Variants in ITGAE observed in about 807,000 individuals in gnomAD.
ITGAE encodes integrin alpha-E.
In ITGAE, 99 loss-of-function variants were observed where a neutral mutation model predicts 136.5. The observed-to-expected ratio is 0.73, with a 90% CI of 0.62 to 0.86. The LOEUF (loss-of-function observed/expected upper bound fraction) is 0.86. ITGAE is among the 40% of genes least tolerant of loss of function. The pLI, the probability that ITGAE is intolerant of heterozygous loss-of-function variation, is 0.00. For missense variants in ITGAE, 1,447 were observed against 1,515.3 expected (o/e 0.95, Z 0.75); for synonymous variants, 613 against 591.8 (o/e 1.04, Z -0.52).
In ITGAE at chr17:3,725,688, G is replaced by A; in HGVS notation, c.3085-1944C>T. The A allele has an allele frequency of 3.2e-6, 5 of 1,581,732 alleles. No homozygotes were observed. In the South Asian group the frequency reaches 5.8e-5, roughly 18 times the overall value. The stretch of plus-strand genomic sequence containing the variant: ...CTGGGATCACTATAATTCAACCAAA[G>A]GCTCTGCAAATGACCGGCCTGATTT... On this transcript the variant is annotated intron_variant, in intron 26 of 30. Transcript: ENST00000263087.
Position 3,799,723 on chromosome 17 carries a change from C to T in ITGAE, c.34+1388G>A, listed in dbSNP as rs1567569100. On this transcript the variant is annotated intron_variant, in intron 1 of 30. Transcript: ENST00000263087. This position sits in a 1 kb window ranked among gnomAD's most constrained non-coding sequence, Gnocchi z 4.1. ...CAAGCCATAAAAAGAGTGAGACTCT[C>T]TCCACACCCCACATGTAACTAAAAA... Among the ~76,000 whole-genome samples the T allele has an allele frequency of 2.0e-5, 3 of 152,198 alleles. No individual in the cohort carries two copies. Among genetic ancestry groups the T allele is most frequent in the African/African-American group, 7.2e-5 (3 of 41,442 alleles).
Position 3,745,851 on chromosome 17 carries a change from G to C in ITGAE, c.2232C>G (p.Asp744Glu), listed in dbSNP as rs200223270. The stretch of plus-strand genomic sequence containing the variant: ...TCAGGCAGCCCAGACAGCTTCTTAC[G>C]TCTGAACACTGCAGCCGTCTCCTCT... ...GKQRRRLQCSDVRSCLGCLRE... is the reference protein window; with the variant it reads ...GKQRRRLQCSEVRSCLGCLRE... Residue 744 changes from aspartate (D) to glutamate (E), a missense_variant, in exon 18 of 31, where the codon GAC becomes GAG. Physicochemically the swap from Asp to Glu is conservative, Grantham distance 45. Coordinates refer to ENST00000263087, the MANE Select transcript of ITGAE (RefSeq NM_002208.5). The C allele has an allele frequency of 6.2e-7, 1 of 1,614,054 alleles. No individual in the cohort carries two copies. Among genetic ancestry groups the C allele is most frequent in the East Asian group, 2.2e-5 (1 of 44,878 alleles).
intron 26 of ITGAE, chr17:3,725,395 G>C: frequency 6.2e-7 from 1 of 1,614,234 alleles, no homozygotes; most frequent in Non-Finnish European, 8.5e-7. Context: ...CTGCAACGCT[G>C]TGAGAAGATT....
intron 1 of ITGAE, among the ~76,000 whole-genome samples, chr17:3,783,298 G>A (rs1481670866): frequency 6.6e-6 from 1 of 152,078 alleles, no homozygotes; most frequent in Non-Finnish European, 1.5e-5. Flanking sequence ...CCGCCACCAT[G>A]CCCAGCTAAG....
intron 18 of ITGAE, 92 bp from the exon 19 acceptor site, chr17:3,743,709 T>TTTC (rs2051643348): frequency 7.5e-7 from 1 of 1,336,474 alleles, no homozygotes; most frequent in Admixed American, 2.5e-5. Flanking sequence ...TTTTTTCTTT[T>TTTC]TTTTTTTTTT....
intron 20 of ITGAE, among the ~76,000 whole-genome samples, chr17:3,738,525 A>C (rs1248289300): frequency 6.6e-6 from 1 of 152,128 alleles, no homozygotes; most frequent in Non-Finnish European, 1.5e-5. Flanking sequence ...GCTTGGCAAC[A>C]CTGTCATTCT....
chr17:3,749,286 G>T (rs902311348), intron 16 of ITGAE, among the ~76,000 whole-genome samples: 3 of 150,992 alleles, frequency 2.0e-5, no homozygotes, highest in African/African-American at 7.3e-5. Flanking sequence ...ACGGAGTCTC[G>T]CTCTGTCGCC....
chr17:3,743,115 C>G (rs1050920118), intron 19 of ITGAE, among the ~76,000 whole-genome samples: 9 of 152,226 alleles, frequency 5.9e-5, no homozygotes, highest in Non-Finnish European at 1.0e-4. Context: ...GTGCAAGACA[C>G]GACAGCTCCA....
At chr17:3,770,597 C>A (rs919003442) in intron 2 of ITGAE, among the ~76,000 whole-genome samples, 1 of 152,190 alleles carries the variant, frequency 6.6e-6, no homozygotes, top group Admixed American at 6.6e-5. Flanking sequence ...TTTCTAGGCC[C>A]GAGTTGGCCA....
At chr17:3,778,823 T>A (rs2143326122) in intron 1 of ITGAE, among the ~76,000 whole-genome samples, 1 of 152,298 alleles carries the variant, frequency 6.6e-6, no homozygotes, top group South Asian at 2.1e-4. Context: ...ATAAAATGTT[T>A]TCAGACATTT....
rs1258297819 is a variant in ITGAE at position 3,716,726 on chromosome 17, G to C, written c.3406C>G (p.Leu1136Val). The C allele has an allele frequency of 2.5e-6, 4 of 1,610,780 alleles. No homozygotes were observed. In the Admixed American group the frequency reaches 5.0e-5, roughly 20 times the overall value. The part of the protein sequence containing the change: ...PIIIKGSVGG[L>V]LVLIVILVIL... ...ACCAGAATCACGATCAACACCAGAA[G>C]TCCACCAACGCTGCCTTTAATGATG... The change falls in exon 30 of 31, where the codon CTT (leucine) becomes GTT (valine). Residue 1136 changes from leucine (L) to valine (V), a missense_variant. By Grantham distance (32) the Leu-to-Val change is conservative (BLOSUM62 1). Transcript: ENST00000263087.
chr17:3,725,926 AACTCCACT>A, intron 26 of ITGAE: 1 of 1,613,548 alleles, frequency 6.2e-7, no homozygotes, highest in Non-Finnish European at 8.5e-7. Flanking sequence ...AGCCTCAAAA[AACTCCACT>A]ACACCCTCAA....
In ITGAE at chr17:3,755,872, G is replaced by C. The variant is rs372881614; in HGVS notation, c.1197C>G (p.Tyr399Ter). The change falls in exon 11 of 31, where the codon TAC becomes TAG. Residue 399 changes from tyrosine (Y) to a stop codon, truncating the protein, a stop_gained. Coordinates refer to ENST00000263087, the MANE Select transcript of ITGAE (RefSeq NM_002208.5). LOFTEE classifies it high-confidence loss of function. ...CACTGAAGCCAATCTGTGCCAGCTG[G>C]TAGTGAAGGGCGTCTCCAACCGTGC... ...MEGTVGDALH[Y>*]QLAQIGFSAQ... 5 of 1,600,322 alleles carry C rather than the reference G, an allele frequency of 3.1e-6. No homozygotes were observed. Among genetic ancestry groups the C allele is most frequent in the Non-Finnish European group, 8.5e-7 (1 of 1,173,688 alleles).
intron 18 of ITGAE, among the ~76,000 whole-genome samples, chr17:3,744,728 C>T (rs915140438): frequency 2.0e-5 from 3 of 152,148 alleles, no homozygotes; most frequent in Admixed American, 6.5e-5. Flanking sequence ...GGATTAGAGG[C>T]GTGAGCCACT....
intron 28 of ITGAE, among the ~76,000 whole-genome samples, chr17:3,721,260 C>CTTTTTTTTTT (rs869087347): frequency 2.2e-5 from 1 of 46,200 alleles, no homozygotes; most frequent in Non-Finnish European, 3.6e-5. Context: ...GAGATTTTTC[C>CTTTTTTTTTT]TTTTTTTTTT....
intron 1 of ITGAE, among the ~76,000 whole-genome samples, chr17:3,796,306 G>T (rs1254013397): frequency 6.6e-6 from 1 of 152,112 alleles, no homozygotes; most frequent in Non-Finnish European, 1.5e-5. Context: ...AGGCCCAACA[G>T]TTTGCCTTTG....
At chr17:3,720,119 A>C in intron 29 of ITGAE, among the ~76,000 whole-genome samples, 188 bp downstream of exon 29, 1 of 152,160 alleles carries the variant, frequency 6.6e-6, no homozygotes, top group Admixed American at 6.6e-5. Context: ...TCCTCAGCTT[A>C]GGCCTCTTAA....
intron 1 of ITGAE, among the ~76,000 whole-genome samples, chr17:3,786,842 A>AT (rs2052810294): frequency 7.1e-6 from 1 of 139,994 alleles, no homozygotes; most frequent in African/African-American, 2.6e-5. Flanking sequence ...GTCAGCCAAG[A>AT]TTGCGCCACT....
intron 30 of ITGAE, among the ~76,000 whole-genome samples, chr17:3,716,094 G>C (rs546934706): frequency 3.3e-5 from 5 of 151,950 alleles, no homozygotes; most frequent in East Asian, 1.9e-4. Flanking sequence ...GGTCAGGGTG[G>C]GGGGAAGGGA....
Sources: gnomAD v4.1 joint callset for allele counts (sites outside exome capture counted in the v4.1 genomes callset) on GRCh38, gnomAD v4.1.1 for gene constraint, Gnocchi (gnomAD v3.1) non-coding constraint, MANE v1.5 for transcripts, NCBI Gene and HGNC (gene_info 2026-07-23, HGNC 2026-07-21) for gene names.